Variants in PRKG1 observed in about 807,000 individuals in gnomAD.
PRKG1 encodes the protein protein kinase cGMP-dependent 1.
PRKG1 carries 35 observed loss-of-function variants against 88.1 expected under a neutral mutation model. The ratio of observed to expected loss-of-function variants is 0.40; its 90% CI spans 0.30 to 0.53. PRKG1 has a LOEUF of 0.53. Among genes scored for constraint, PRKG1 ranks in the 20% least tolerant of loss-of-function variants. The probability of loss-of-function intolerance (pLI) is 0.59; values close to 1 mark genes in which losing one functional copy is unlikely to be tolerated. For missense variants in PRKG1, 540 were observed against 839.8 expected (o/e 0.64, Z 4.41); for synonymous variants, 303 against 292.5 (o/e 1.04, Z -0.37).
At chr10:52,284,318 T>A (rs2132452859) in intron 14 of PRKG1, among the ~76,000 whole-genome samples, 1 of 152,154 alleles carries the variant, frequency 6.6e-6, no homozygotes, top group Non-Finnish European at 1.5e-5. Context: ...AAACTTAATT[T>A]TTTTACCATA....
intron 9 of PRKG1, among the ~76,000 whole-genome samples, chr10:52,244,920 ATATTTAAATATAC>A (rs1171367622): frequency 6.9e-6 from 1 of 144,660 alleles, no homozygotes; most frequent in African/African-American, 2.5e-5. Flanking sequence ...AAATATATAT[ATATTTAAATATAC>A]TTTAAATATA....
chr10:51,112,526 T>G (rs1845002134), intron 1 of PRKG1, among the ~76,000 whole-genome samples: 1 of 152,124 alleles, frequency 6.6e-6, no homozygotes, highest in Non-Finnish European at 1.5e-5. Context: ...CTTTTTTGCC[T>G]TTCATTAGAT....
rs561392362 is a variant in PRKG1, at chr10:51,757,468, T to C, written c.593-47117T>C. Among the ~76,000 whole-genome samples, 54 of 152,318 alleles carry C rather than the reference T, an allele frequency of 3.5e-4. 1 individual carries two copies. In the South Asian group the frequency reaches 0.011, roughly 31 times the overall value. ...GTATAGATAAGACTGGAACAAATTA[T>C]AGATAAAAGGCTTTGAAGGTAGTTT... is the stretch of plus-strand genomic sequence containing the variant. On this transcript the variant is annotated intron_variant, in intron 3 of 17. Transcript: ENST00000373980.
At chr10:51,009,352 A>G (rs1017378172) in intron 1 of PRKG1, among the ~76,000 whole-genome samples, 2 of 152,216 alleles carry the variant, frequency 1.3e-5, no homozygotes, top group African/African-American at 4.8e-5. Flanking sequence ...GGGATAAACT[A>G]TTTTTAAGTT....
intron 3 of PRKG1, chr10:51,697,470 G>C: frequency 1.8e-6 from 1 of 548,160 alleles, no homozygotes; most frequent in Non-Finnish European, 3.2e-6. Flanking sequence ...CATGTTCAGA[G>C]TTATTTTAAA....
intron 3 of PRKG1, among the ~76,000 whole-genome samples, chr10:51,798,622 A>C (rs1165602033): frequency 2.0e-5 from 3 of 152,120 alleles, no homozygotes; most frequent in African/African-American, 7.2e-5. Flanking sequence ...TTTCTAGACT[A>C]TAAATATCTG....
At chr10:51,760,136 T>A (rs1837980853) in intron 3 of PRKG1, among the ~76,000 whole-genome samples, 1 of 152,186 alleles carries the variant, frequency 6.6e-6, no homozygotes, top group African/African-American at 2.4e-5. Context: ...GTGGCTGTGT[T>A]TTATTCGATG....
intron 2 of PRKG1, among the ~76,000 whole-genome samples, chr10:51,272,902 T>A (rs1444154183): frequency 6.6e-6 from 1 of 152,160 alleles, no homozygotes; most frequent in African/African-American, 2.4e-5. Flanking sequence ...AATAATATAA[T>A]AATACTGTCA....
intron 14 of PRKG1, among the ~76,000 whole-genome samples, chr10:52,287,623 G>T (rs1462351349): frequency 1.3e-5 from 2 of 150,414 alleles, no homozygotes; most frequent in African/African-American, 4.9e-5. Flanking sequence ...TGAGAAATTT[G>T]AAGGAAAGAC....
intron 9 of PRKG1, among the ~76,000 whole-genome samples, chr10:52,197,390 G>A (rs762851388): frequency 1.6e-4 from 24 of 152,252 alleles, no homozygotes; most frequent in African/African-American, 4.3e-4. Context: ...TTCAAAGCAC[G>A]TTTTGATATA....
intron 2 of PRKG1, among the ~76,000 whole-genome samples, chr10:51,310,366 T>C (rs573970536): frequency 2.6e-5 from 4 of 152,314 alleles, no homozygotes; most frequent in African/African-American, 9.6e-5. Flanking sequence ...ATTATGAACA[T>C]TGTGCTCTGG....
At chr10:51,579,247 G>T (rs568186149) in intron 3 of PRKG1, among the ~76,000 whole-genome samples, 1 of 152,080 alleles carries the variant, frequency 6.6e-6, no homozygotes, top group East Asian at 1.9e-4. Flanking sequence ...CTCCCAAAGT[G>T]CTGGGATTAC....
At chr10:51,934,007 A>G (rs1842750771) in intron 5 of PRKG1, among the ~76,000 whole-genome samples, 3 of 152,162 alleles carry the variant, frequency 2.0e-5, no homozygotes, top group Admixed American at 2.0e-4. Context: ...TGAGCAGATT[A>G]TTTATGTGTA....
At chr10:51,402,412 G>A (rs1837775297) in intron 2 of PRKG1, among the ~76,000 whole-genome samples, 1 of 152,158 alleles carries the variant, frequency 6.6e-6, no homozygotes, top group Non-Finnish European at 1.5e-5. Flanking sequence ...ATGAAAAAGG[G>A]TCATTGCATT....
At chr10:51,849,361 T>C (rs895811205) in intron 4 of PRKG1, among the ~76,000 whole-genome samples, 3 of 152,194 alleles carry the variant, frequency 2.0e-5, no homozygotes, top group African/African-American at 7.2e-5. Flanking sequence ...GAGTATTAAG[T>C]GATTAAACGA....
chr10:51,397,335 C>T (rs1331037412), intron 2 of PRKG1, among the ~76,000 whole-genome samples: 1 of 152,078 alleles, frequency 6.6e-6, no homozygotes, highest in Non-Finnish European at 1.5e-5. Flanking sequence ...TTTCTAAGCA[C>T]CCTTTTTAAA....
intron 4 of PRKG1, among the ~76,000 whole-genome samples, chr10:51,865,043 G>A (rs58858150): frequency 2.0e-3 from 307 of 152,138 alleles, no homozygotes; most frequent in African/African-American, 7.1e-3. Flanking sequence ...TATATTGTAC[G>A]CCAGCTACAT....
intron 5 of PRKG1, among the ~76,000 whole-genome samples, chr10:51,956,151 C>A (rs1221343266): frequency 6.6e-6 from 1 of 152,030 alleles, no homozygotes; most frequent in Non-Finnish European, 1.5e-5. Flanking sequence ...CTTCCTGTTG[C>A]AAATGTCAGT....
chr10:51,307,131 G>A (rs1841059565), intron 2 of PRKG1, among the ~76,000 whole-genome samples: 1 of 151,972 alleles, frequency 6.6e-6, no homozygotes, highest in Non-Finnish European at 1.5e-5. Flanking sequence ...TTATTATACA[G>A]TGTTAATATA....
Sources: gnomAD v4.1 joint callset for allele counts (sites outside exome capture counted in the v4.1 genomes callset) on GRCh38, gnomAD v4.1.1 for gene constraint, MANE v1.5 for transcripts, NCBI Gene and HGNC (gene_info 2026-07-23, HGNC 2026-07-21) for gene names.